The following HCN1 variants were observed in gnomAD, a reference collection of about 807,000 sequenced individuals.
The protein encoded by HCN1 is hyperpolarization activated cyclic nucleotide gated potassium channel 1.
HCN1 carries 13 observed loss-of-function variants against 78.9 expected under a neutral mutation model. The observed-to-expected ratio is 0.16, with a 90% CI of 0.11 to 0.26. The LOEUF (loss-of-function observed/expected upper bound fraction) is 0.26. Among genes scored for constraint, HCN1 ranks in the 10% least tolerant of loss-of-function variants. The probability of loss-of-function intolerance (pLI) is 1.00; values close to 1 mark genes in which losing one functional copy is unlikely to be tolerated. For synonymous variants in HCN1, 552 were observed against 455.5 expected, an observed-to-expected ratio of 1.21 and a Z score of -2.70; for missense variants, 810 against 1,154.3, an observed-to-expected ratio of 0.70 and a Z score of 4.32.
chr5:45,682,720 C>T (rs781084237), intron 1 of HCN1, among the ~76,000 whole-genome samples: 1 of 151,052 alleles, frequency 6.6e-6, no homozygotes, highest in Non-Finnish European at 1.5e-5. Flanking sequence ...AGTAAAGAAA[C>T]GAAACATTAA....
intron 1 of HCN1, among the ~76,000 whole-genome samples, chr5:45,656,156 G>A (rs887567369): frequency 5.9e-5 from 9 of 152,130 alleles, no homozygotes; most frequent in African/African-American, 2.2e-4. Context: ...GTTTCCAAAA[G>A]AGATAATCAA....
intron 6 of HCN1, among the ~76,000 whole-genome samples, chr5:45,289,130 C>T (rs1192942191): frequency 4.6e-5 from 7 of 152,108 alleles, no homozygotes; most frequent in African/African-American, 1.2e-4. Context: ...ATAAAAAGCC[C>T]ATTATCTTTC....
At chr5:45,372,011 CATATAATATATATAATATAATTATATAT>C (rs1561127705) in intron 4 of HCN1, among the ~76,000 whole-genome samples, 2 of 56,158 alleles carry the variant, frequency 3.6e-5, no homozygotes, top group African/African-American at 7.5e-5. Flanking sequence ...TAGTATATAT[CATATAATATATATAATATAATTATATAT>C]ATATTATATA....
Position 45,461,993 on chromosome 5 carries a change from T to C in HCN1, c.864A>G (p.Thr288=), listed in dbSNP as rs760071472. The C allele has an allele frequency of 2.5e-6, 4 of 1,612,972 alleles. No homozygotes were observed. Among genetic ancestry groups the C allele is most frequent in the Admixed American group, 1.7e-5 (1 of 59,828 alleles). ...TCACCACTGCACTGGCGAGATCATA[T>C]GTCATGTGGAATATCTGTTGACCAA... is the stretch of plus-strand genomic sequence containing the variant. ...IHQWEEIFHM[T]YDLASAVVRI... Residue 288 remains threonine, a synonymous_variant, in exon 3 of 8, where the codon ACA becomes ACG. Coordinates refer to ENST00000303230, the MANE Select transcript of HCN1 (RefSeq NM_021072.4).
chr5:45,527,291 T>C lies in HCN1; in HGVS notation c.850-65284A>G, dbSNP rs1239279573. 2.2e-5 allele frequency among the ~76,000 whole-genome samples: 3 copies of C among 136,960 alleles called. 1 individual carries two copies. Among genetic ancestry groups the C allele is most frequent in the Non-Finnish European group, 4.8e-5 (3 of 62,606 alleles). 89.9% of individuals were successfully genotyped at this position (136,960 alleles called of 152,430 possible). ...GTATAGTACAGAGTCAATAAATGTT[T>C]AGTGGTTTAAATTTCTGAAGGTGAC... On this transcript the variant is annotated intron_variant, in intron 2 of 7. Coordinates refer to ENST00000303230, the MANE Select transcript of HCN1 (RefSeq NM_021072.4).
intron 2 of HCN1, among the ~76,000 whole-genome samples, chr5:45,499,412 T>G (rs1054572594): frequency 2.0e-5 from 3 of 152,282 alleles, no homozygotes; most frequent in Admixed American, 1.3e-4. Flanking sequence ...CCCCTTGCAC[T>G]TCCCAAGTGA....
intron 2 of HCN1, among the ~76,000 whole-genome samples, chr5:45,638,697 G>A (rs1171831227): frequency 1.3e-5 from 2 of 152,298 alleles, no homozygotes; most frequent in South Asian, 2.1e-4. Context: ...GAGGTCAGGA[G>A]TTCAAGACCA....
chr5:45,659,214 G>T (rs940658823), intron 1 of HCN1, among the ~76,000 whole-genome samples: 2 of 146,902 alleles, frequency 1.4e-5, no homozygotes, highest in Non-Finnish European at 3.0e-5. Flanking sequence ...CACACGGCAG[G>T]GTATTCTAAC....
intron 3 of HCN1, among the ~76,000 whole-genome samples, chr5:45,413,164 A>G (rs1312407244): frequency 6.6e-6 from 1 of 152,108 alleles, no homozygotes; most frequent in Non-Finnish European, 1.5e-5. Context: ...AAAAAGTTTT[A>G]CAGAAACTTA....
chr5:45,680,296 G>C (rs781704956), intron 1 of HCN1, among the ~76,000 whole-genome samples: 2 of 152,080 alleles, frequency 1.3e-5, no homozygotes, highest in Non-Finnish European at 2.9e-5. Flanking sequence ...AATCACAACA[G>C]TGTAACAATG....
At chr5:45,665,693 A>G (rs1746030700) in intron 1 of HCN1, among the ~76,000 whole-genome samples, 1 of 152,114 alleles carries the variant, frequency 6.6e-6, no homozygotes, top group African/African-American at 2.4e-5. Context: ...TTGTGTTTGC[A>G]GATTACTAAC....
intron 6 of HCN1, among the ~76,000 whole-genome samples, chr5:45,296,863 C>A (rs1413919932): frequency 6.6e-6 from 1 of 151,944 alleles, no homozygotes. Context: ...TGGAGCAATT[C>A]CTGGAAAGTA....
At chr5:45,372,204 A>ATTG (rs1433665670) in intron 4 of HCN1, among the ~76,000 whole-genome samples, 3 of 64,476 alleles carry the variant, frequency 4.7e-5, no homozygotes, top group African/African-American at 9.1e-5. Context: ...AATATAATAC[A>ATTG]TATTATATAA....
intron 4 of HCN1, among the ~76,000 whole-genome samples, chr5:45,380,599 T>C (rs1244097048): frequency 1.3e-5 from 2 of 152,136 alleles, no homozygotes; most frequent in African/African-American, 2.4e-5. Context: ...AAATGATATA[T>C]TTTATGTTAC....
chr5:45,522,427 C>G (rs971273517), intron 2 of HCN1, among the ~76,000 whole-genome samples: 3 of 151,964 alleles, frequency 2.0e-5, no homozygotes, highest in Non-Finnish European at 2.9e-5. Context: ...AATGAAAGCA[C>G]AGTATGGCCC....
chr5:45,412,313 G>C (rs901920633), intron 3 of HCN1, among the ~76,000 whole-genome samples: 1 of 151,966 alleles, frequency 6.6e-6, no homozygotes, highest in Admixed American at 6.6e-5. Flanking sequence ...TTGAGGTGTG[G>C]GTATCTGTGT....
intron 2 of HCN1, among the ~76,000 whole-genome samples, chr5:45,504,649 GTTCT>G (rs1281902413): frequency 1.3e-5 from 2 of 152,062 alleles, no homozygotes; most frequent in Non-Finnish European, 2.9e-5. Flanking sequence ...GGTATTTCTA[GTTCT>G]AGATCCTTGA....
chr5:45,498,563 C>A (rs963639388), intron 2 of HCN1, among the ~76,000 whole-genome samples: 1 of 152,316 alleles, frequency 6.6e-6, no homozygotes, highest in Non-Finnish European at 1.5e-5. Flanking sequence ...ATTTGATCGT[C>A]TGAAGCCTTC....
chr5:45,332,095 C>T (rs1167976791), intron 5 of HCN1, among the ~76,000 whole-genome samples: 1 of 151,438 alleles, frequency 6.6e-6, no homozygotes, highest in Non-Finnish European at 1.5e-5. Flanking sequence ...ACAGTATTGT[C>T]TTTTTAAAAT....
Sources: gnomAD v4.1 joint callset for allele counts (sites outside exome capture counted in the v4.1 genomes callset) on GRCh38, gnomAD v4.1.1 for gene constraint, MANE v1.5 for transcripts, NCBI Gene and HGNC (gene_info 2026-07-23, HGNC 2026-07-21) for gene names.